The following NCKAP5 variants were observed in gnomAD, a reference collection of about 807,000 sequenced individuals.
NCKAP5 encodes the protein NCK associated protein 5.
NCKAP5 carries 92 observed loss-of-function variants against 167.0 expected under a neutral mutation model. The observed-to-expected ratio is 0.55, with a 90% CI of 0.47 to 0.66. NCKAP5 has a LOEUF of 0.66. Among genes scored for constraint, NCKAP5 ranks in the 30% least tolerant of loss-of-function variants. The pLI, the probability that NCKAP5 is intolerant of heterozygous loss-of-function variation, is 0.00. For synonymous variants in NCKAP5, 891 were observed against 877.4 expected (o/e 1.02, Z -0.27); for missense variants, 2,378 against 2,315.0 (o/e 1.03, Z -0.56).
intron 6 of NCKAP5, among the ~76,000 whole-genome samples, chr2:132,999,551 A>T (rs2077711784): frequency 6.6e-6 from 1 of 152,228 alleles, no homozygotes; most frequent in East Asian, 1.9e-4. Flanking sequence ...TGGTTTTCTG[A>T]ACTCTTTCAT....
chr2:132,807,890 G>T (rs1482717865), intron 11 of NCKAP5, among the ~76,000 whole-genome samples: 1 of 152,104 alleles, frequency 6.6e-6, no homozygotes, highest in Non-Finnish European at 1.5e-5. Context: ...TTGGCTGTGG[G>T]ATGGTCATAG....
chr2:133,480,970 T>G (rs1251300300), intron 3 of NCKAP5, among the ~76,000 whole-genome samples: 2 of 152,230 alleles, frequency 1.3e-5, no homozygotes, highest in African/African-American at 4.8e-5. Context: ...CACTTCACTT[T>G]TATCAGCTGG....
chr2:133,650,238 C>T, the NCKAP5 span, among the ~76,000 whole-genome samples: 1 of 151,874 alleles, frequency 6.6e-6, no homozygotes, highest in Non-Finnish European at 1.5e-5. Context: ...GAAAAGATAT[C>T]CTATGTTTAT....
At chr2:133,270,543 C>T (rs940797608) in intron 4 of NCKAP5, among the ~76,000 whole-genome samples, 9 of 152,218 alleles carry the variant, frequency 5.9e-5, no homozygotes, top group Admixed American at 2.6e-4. Context: ...GGCCGATTCA[C>T]GCTGACTTCC....
intron 11 of NCKAP5, among the ~76,000 whole-genome samples, chr2:132,846,610 T>C (rs1248794565): frequency 6.6e-6 from 1 of 152,182 alleles, no homozygotes; most frequent in African/African-American, 2.4e-5. Context: ...TGGCCTTTCA[T>C]GGTGACTTTT....
intron 6 of NCKAP5, among the ~76,000 whole-genome samples, chr2:133,085,091 G>A (rs2149607101): frequency 6.6e-6 from 1 of 152,254 alleles, no homozygotes; most frequent in South Asian, 2.1e-4. Context: ...GTCAGGGTGG[G>A]GAGATGGGAA....
intron 3 of NCKAP5, among the ~76,000 whole-genome samples, chr2:133,306,206 T>C (rs1464910195): frequency 1.3e-5 from 2 of 152,218 alleles, no homozygotes; most frequent in Non-Finnish European, 2.9e-5. Context: ...AAAATGCTAT[T>C]GGCACAGTGG....
At chr2:132,799,157 C>A (rs184801600) in intron 11 of NCKAP5, among the ~76,000 whole-genome samples, 196 of 151,972 alleles carry the variant, frequency 1.3e-3, no homozygotes, top group Middle Eastern at 3.4e-3. Flanking sequence ...AAATAGAAAA[C>A]CAAATACTGC....
intron 8 of NCKAP5, among the ~76,000 whole-genome samples, chr2:132,942,674 T>C (rs985742001): frequency 3.3e-5 from 5 of 152,158 alleles, no homozygotes; most frequent in African/African-American, 9.7e-5. Context: ...AAACCTTGAT[T>C]AAAATAATTC....
At chr2:133,191,283 G>A (rs892879910) in intron 5 of NCKAP5, among the ~76,000 whole-genome samples, 1 of 152,184 alleles carries the variant, frequency 6.6e-6, no homozygotes, top group Admixed American at 6.5e-5. Flanking sequence ...ACAGGTGCTG[G>A]AGAGGATGTG....
intron 2 of NCKAP5, among the ~76,000 whole-genome samples, chr2:133,523,981 C>A (rs1225680066): frequency 1.3e-5 from 2 of 152,138 alleles, no homozygotes; most frequent in African/African-American, 4.8e-5. Context: ...GTATAGGCTG[C>A]AGGGATCAGA....
At chr2:132,795,526 A>G (rs770257032) in intron 12 of NCKAP5, among the ~76,000 whole-genome samples, 1 of 152,170 alleles carries the variant, frequency 6.6e-6, no homozygotes, top group African/African-American at 2.4e-5. Flanking sequence ...TAAAAAATAG[A>G]GATAATGAAG....
chr2:133,459,681 C>A (rs1287155314), intron 3 of NCKAP5, among the ~76,000 whole-genome samples: 1 of 152,118 alleles, frequency 6.6e-6, no homozygotes, highest in Non-Finnish European at 1.5e-5. Context: ...TTCTGTTGAC[C>A]TGATAAAGGC....
At chr2:133,089,107 A>G (rs1445357277) in intron 6 of NCKAP5, among the ~76,000 whole-genome samples, 1 of 152,236 alleles carries the variant, frequency 6.6e-6, no homozygotes. Flanking sequence ...CCAAGTCTTA[A>G]CATTATACCT....
At chr2:133,476,517 G>A (rs1679912157) in intron 3 of NCKAP5, among the ~76,000 whole-genome samples, 2 of 152,150 alleles carry the variant, frequency 1.3e-5, no homozygotes, top group Admixed American at 6.5e-5. Context: ...ATCATTGATG[G>A]ATAAGTCATC....
intron 11 of NCKAP5, among the ~76,000 whole-genome samples, chr2:132,806,115 T>C (rs1404621389): frequency 2.0e-5 from 3 of 152,180 alleles, no homozygotes; most frequent in Admixed American, 6.6e-5. Flanking sequence ...TTCGTTCCTT[T>C]TTATGGCTGT....
chr2:133,320,457 G>A lies in NCKAP5; in HGVS notation c.70-17347C>T, dbSNP rs370286754. 8.7e-4 allele frequency among the ~76,000 whole-genome samples: 132 copies of A among 152,236 alleles called. 1 individual carries two copies. The Middle Eastern group carries it at 0.017, about 20-fold the overall frequency. ...AATAATTAGGCCCTTGGCTGGGTGC[G>A]GTGGCTCACGCCTGTAATCCCAGCA... On this transcript the variant is annotated intron_variant, in intron 3 of 19. Coordinates refer to ENST00000409261, the MANE Select transcript of NCKAP5 (RefSeq NM_207363.3).
intron 19 of NCKAP5, among the ~76,000 whole-genome samples, chr2:132,704,167 G>A (rs1291812716): frequency 6.6e-6 from 1 of 152,114 alleles, no homozygotes; most frequent in African/African-American, 2.4e-5. Flanking sequence ...TTGGGGAAGT[G>A]GCTTTCTTTG....
chr2:133,508,347 C>T (rs1683202236), intron 3 of NCKAP5, among the ~76,000 whole-genome samples: 1 of 152,174 alleles, frequency 6.6e-6, no homozygotes, highest in Non-Finnish European at 1.5e-5. Context: ...CCTCGCTGAT[C>T]AATGTAGCCA....
Sources: gnomAD v4.1 joint callset for allele counts (sites outside exome capture counted in the v4.1 genomes callset) on GRCh38, gnomAD v4.1.1 for gene constraint, MANE v1.5 for transcripts, NCBI Gene and HGNC (gene_info 2026-07-23, HGNC 2026-07-21) for gene names.